Variants in ANXA11 observed in about 807,000 individuals in gnomAD.
ANXA11 encodes annexin A11, also known as 56 kDa autoantigen.
ANXA11 carries 57 observed loss-of-function variants against 64.7 expected under a neutral mutation model. The observed-to-expected ratio is 0.88, with a 90% CI of 0.71 to 1.10. The LOEUF (loss-of-function observed/expected upper bound fraction) is 1.10. Among genes scored for constraint, ANXA11 ranks in the 50% least tolerant of loss-of-function variants. ANXA11 has a pLI of 0.00. For missense variants in ANXA11, 675 were observed against 670.7 expected, an observed-to-expected ratio of 1.01 and a Z score of -0.07; for synonymous variants, 260 against 265.2, an observed-to-expected ratio of 0.98 and a Z score of 0.19.
Position 80,154,822 on chromosome 10 carries a change from AC to A in ANXA11, c.*1030del, listed in dbSNP as rs35914986. The A allele has an allele frequency of 3.6e-3, 553 of 151,996 alleles. 16 individuals carry two copies. The East Asian group carries it at 0.092, about 25-fold the overall frequency. 9.4% of individuals were successfully genotyped at this position (151,996 alleles called of 1,614,324 possible). A position where few individuals can be genotyped will look rare whatever the true frequency, so the allele number is the denominator to read the frequency against. On this transcript the variant is annotated 3_prime_UTR_variant, in exon 16 of 16. Coordinates refer to ENST00000422982, the MANE Select transcript of ANXA11 (RefSeq NM_145868.2). ...CGAGGGGCACCAGGAATTAGCACAC[AC>A]CCTTCTTCCCTCCTGGGACCTGGGT...
chr10:80,159,805 C>T (rs1845433400), intron 12 of ANXA11, among the ~76,000 whole-genome samples: 1 of 152,210 alleles, frequency 6.6e-6, no homozygotes, highest in African/African-American at 2.4e-5. Flanking sequence ...CCTCCAGGGC[C>T]CACTCCCATG....
intron 13 of ANXA11, among the ~76,000 whole-genome samples, 187 bp downstream of exon 13, chr10:80,158,913 G>T (rs554812277): frequency 5.9e-5 from 9 of 152,264 alleles, no homozygotes; most frequent in Non-Finnish European, 1.2e-4. Flanking sequence ...GACAGCTAGG[G>T]GTTCAACTGC....
chr10:80,167,133 G>T (rs954850595), intron 6 of ANXA11, 93 bp downstream of exon 6: 5 of 1,377,382 alleles, frequency 3.6e-6, no homozygotes, highest in Non-Finnish European at 5.1e-6. Context: ...CCAGGTCAGC[G>T]TCCCCCAGCT....
intron 1 of ANXA11, among the ~76,000 whole-genome samples, chr10:80,184,261 T>G (rs1564620579): frequency 6.6e-6 from 1 of 152,204 alleles, no homozygotes; most frequent in Non-Finnish European, 1.5e-5. Context: ...GCTCCTTGAC[T>G]TATGATAGGG....
chr10:80,180,425 A>T (rs1846313288), intron 1 of ANXA11, among the ~76,000 whole-genome samples: 1 of 152,106 alleles, frequency 6.6e-6, no homozygotes, highest in Admixed American at 6.5e-5. Context: ...GAAAGACAAC[A>T]CAGGGCTCAT....
chr10:80,177,721 C>T (rs1176388045), intron 1 of ANXA11, among the ~76,000 whole-genome samples: 2 of 152,176 alleles, frequency 1.3e-5, no homozygotes, highest in Admixed American at 1.3e-4. Flanking sequence ...CTGCCACCAC[C>T]CAGTACACAT....
intron 1 of ANXA11, among the ~76,000 whole-genome samples, chr10:80,176,882 C>T (rs1015826199): frequency 6.6e-6 from 1 of 152,202 alleles, no homozygotes; most frequent in Admixed American, 6.5e-5. Flanking sequence ...GTCTTCCCCT[C>T]TCCCCAAGAT....
At position 80,179,912 on chromosome 10, in the gene ANXA11, C is replaced by T. The variant is rs535122920; in HGVS notation, c.-57-3757G>A. Among the ~76,000 whole-genome samples, 4 of 152,322 alleles carry T rather than the reference C, an allele frequency of 2.6e-5. No homozygotes were observed. The South Asian group carries it at 6.2e-4, about 24-fold the overall frequency. ...GTTCGTTGGCTCTGGGTCTCTTCTT[C>T]GGCCTCTCAAACATGGTGCCATCCC... On this transcript the variant is annotated intron_variant, in intron 1 of 15. Coordinates refer to ENST00000422982, the MANE Select transcript of ANXA11 (RefSeq NM_145868.2).
rs1350135549 is a variant in ANXA11, at chr10:80,154,280, T to G, written c.*1573A>C. 1 of 152,052 alleles carries G rather than the reference T, an allele frequency of 6.6e-6. No homozygotes were observed. The highest frequency in any genetic ancestry group is 6.6e-5 in the Admixed American group (1 of 15,264). The allele number at this position is 152,052 out of a possible 1,614,324, so 9.4% of individuals were successfully genotyped here. On this transcript the variant is annotated 3_prime_UTR_variant, in exon 16 of 16. Transcript: ENST00000422982. The stretch of plus-strand genomic sequence containing the variant: ...CCATGCCTGGCTAATTTTTGTATTT[T>G]TAGTAGAGATGGGGTTTCACCATGT...
chr10:80,178,922 A>G (rs1214882530), intron 1 of ANXA11, among the ~76,000 whole-genome samples: 2 of 151,508 alleles, frequency 1.3e-5, no homozygotes, highest in African/African-American at 4.8e-5. Flanking sequence ...TTCTGATGTA[A>G]CTGGTTCTGT....
rs760808872 is a variant in ANXA11 at position 80,168,941 on chromosome 10, C to G, written c.561+28G>C. The G allele has an allele frequency of 6.0e-6, 9 of 1,498,534 alleles. No homozygotes were observed. The South Asian group carries it at 1.3e-4, about 21-fold the overall frequency. The allele number at this position is 1,498,534 out of a possible 1,614,324, so 92.8% of individuals were successfully genotyped here. ...CCAGCCTTTGGGGCCCAGGCCTGGACCAAGGGAGGCAGTGGGCTGACACTC... is the reference window on the plus strand; with the variant it reads ...CCAGCCTTTGGGGCCCAGGCCTGGAGCAAGGGAGGCAGTGGGCTGACACTC... On this transcript the variant is annotated intron_variant, in intron 5 of 15. Coordinates refer to ENST00000422982, the MANE Select transcript of ANXA11 (RefSeq NM_145868.2).
chr10:80,162,240 C>T (rs1166913828), intron 11 of ANXA11, among the ~76,000 whole-genome samples: 1 of 152,178 alleles, frequency 6.6e-6, no homozygotes, highest in Non-Finnish European at 1.5e-5. Context: ...GCTGAGATCC[C>T]ACAGGTCAAG....
chr10:80,160,440 C>T (rs891722598), intron 12 of ANXA11, among the ~76,000 whole-genome samples: 1 of 152,186 alleles, frequency 6.6e-6, no homozygotes, highest in African/African-American at 2.4e-5. Context: ...ATGGGGAGAG[C>T]CACAGCGCCT....
chr10:80,172,673 T>C (rs1427136216), intron 3 of ANXA11, 134 bp downstream of exon 3: 2 of 888,460 alleles, frequency 2.3e-6, no homozygotes, highest in East Asian at 2.5e-5. Context: ...ACTACTCCTG[T>C]TGTCCTCTCC....
At chr10:80,192,106 G>A (rs992274810) in intron 1 of ANXA11, among the ~76,000 whole-genome samples, 6 of 152,154 alleles carry the variant, frequency 3.9e-5, no homozygotes, top group African/African-American at 1.2e-4. Flanking sequence ...GTTCCATCAC[G>A]GGGGCAGCCC....
rs540165013 is a variant in ANXA11, at chr10:80,196,814, C to T, written c.-58+8529G>A. Among the ~76,000 whole-genome samples the T allele has an allele frequency of 7.9e-5, 12 of 152,308 alleles. No individual in the cohort carries two copies. In the South Asian group the frequency reaches 1.5e-3, roughly 18 times the overall value. ...ATGCCAGGAACTAAAATAGCTGTAG[C>T]GTATGTTAATCATTAGCCAGGCTGC... On this transcript the variant is annotated intron_variant, in intron 1 of 15. Coordinates refer to ENST00000422982, the MANE Select transcript of ANXA11 (RefSeq NM_145868.2).
At chr10:80,164,171 A>C in intron 8 of ANXA11, 28 bp from the exon 9 acceptor site, 3 of 1,580,584 alleles carry the variant, frequency 1.9e-6, no homozygotes, top group Non-Finnish European at 2.6e-6. Context: ...ACAACCAACC[A>C]TGTGCTTGTT....
In ANXA11 at chr10:80,158,026, C is replaced by T. The variant is rs747362928; in HGVS notation, c.1277-1G>A. ...GCTGGGGTATTCTTGAGACATTTCACTAGAAGAGAGAAACTCGGCATAACC... is the reference window on the plus strand; with the variant it reads ...GCTGGGGTATTCTTGAGACATTTCATTAGAAGAGAGAAACTCGGCATAACC... On this transcript the variant is annotated splice_acceptor_variant, in intron 13 of 15. Transcript: ENST00000422982. LOFTEE classifies it high-confidence loss of function. 4 of 1,614,086 alleles carry T rather than the reference C, an allele frequency of 2.5e-6. No individual in the cohort carries two copies. The Admixed American group carries it at 6.7e-5, about 27-fold the overall frequency.
At chr10:80,186,401 C>T (rs1398507865) in intron 1 of ANXA11, among the ~76,000 whole-genome samples, 3 of 152,048 alleles carry the variant, frequency 2.0e-5, no homozygotes, top group East Asian at 1.9e-4. Flanking sequence ...TTGGATTTTC[C>T]AGCCTCCCAA....
Sources: allele counts gnomAD v4.1 joint callset (sites outside exome capture counted in the v4.1 genomes callset), GRCh38; gene constraint gnomAD v4.1.1; transcripts MANE v1.5; gene names NCBI Gene and HGNC (gene_info 2026-07-23, HGNC 2026-07-21).